AGAP1: variants seen among roughly 807,000 people sequenced by gnomAD.
AGAP1 encodes the protein ArfGAP with GTPase domain, ankyrin repeat and PH domain 1.
Under a neutral mutation model 105.3 loss-of-function variants are expected in AGAP1, and 29 were observed. The observed-to-expected ratio is 0.28, with a 90% confidence interval of 0.21 to 0.38. AGAP1 has a LOEUF of 0.38. Among genes scored for constraint, AGAP1 ranks in the 10% least tolerant of loss-of-function variants. The pLI is 1.00. For synonymous variants in AGAP1, 509 were observed against 485.9 expected (o/e 1.05, Z -0.63); for missense variants, 998 against 1,165.1 (o/e 0.86, Z 2.09).
chr2:235,922,190 C>T (rs935296095), intron 11 of AGAP1, among the ~76,000 whole-genome samples: 7 of 152,070 alleles, frequency 4.6e-5, no homozygotes, highest in South Asian at 2.1e-4. Context: ...GAGATTGGAC[C>T]GAAGAAAGCC....
At chr2:235,676,340 C>A (rs1323182321) in intron 1 of AGAP1, among the ~76,000 whole-genome samples, 3 of 152,248 alleles carry the variant, frequency 2.0e-5, no homozygotes, top group Non-Finnish European at 2.9e-5. Flanking sequence ...TATCATTCCT[C>A]TGTGTACTGC....
chr2:236,057,950 C>G (rs2058093347), intron 16 of AGAP1, among the ~76,000 whole-genome samples: 1 of 152,128 alleles, frequency 6.6e-6, no homozygotes. Flanking sequence ...CCATGCCCTC[C>G]CCGGGGGTTG....
chr2:235,637,450 A>T lies in AGAP1; in HGVS notation c.164-71729A>T, dbSNP rs1444033650. Among the ~76,000 whole-genome samples the T allele has an allele frequency of 1.2e-4, 17 of 143,940 alleles. No individual in the cohort carries two copies. In the East Asian group the frequency reaches 1.2e-3, roughly 10 times the overall value. The allele number at this position is 143,940 out of a possible 152,430, so 94.4% of individuals were successfully genotyped here. ...ACCATGCCTAGCTAATTGTATTATT[A>T]TTTTTTTTTTTTTGTAGAGACAGGG... On this transcript the variant is annotated intron_variant, in intron 1 of 17. Coordinates refer to ENST00000304032, the MANE Select transcript of AGAP1 (RefSeq NM_001037131.3).
Position 235,906,095 on chromosome 2 carries a change from C to G in AGAP1, c.1156-2643C>G, listed in dbSNP as rs2051292297. Among the ~76,000 whole-genome samples the G allele has an allele frequency of 6.6e-6, 1 of 152,298 alleles. No homozygotes were observed. The highest frequency in any genetic ancestry group is 2.4e-5 in the African/African-American group (1 of 41,570). The stretch of plus-strand genomic sequence containing the variant: ...CAGCTTTCCTCCAAGGGGGCTGTGG[C>G]TGACTCCAGCCAGCCTGCCCTGAGA... On this transcript the variant is annotated intron_variant, in intron 10 of 17. Coordinates refer to ENST00000304032, the MANE Select transcript of AGAP1 (RefSeq NM_001037131.3). The surrounding 1 kb of genome is among the most constrained non-coding windows in gnomAD (Gnocchi z 5.3).
chr2:235,831,480 T>TC (rs1959394577), intron 9 of AGAP1, among the ~76,000 whole-genome samples: 1 of 152,174 alleles, frequency 6.6e-6, no homozygotes, highest in Admixed American at 6.5e-5. Context: ...CCTCTTCATT[T>TC]CCCCCACCGC....
chr2:236,103,876 C>T (rs1292421518), intron 16 of AGAP1, among the ~76,000 whole-genome samples: 2 of 152,280 alleles, frequency 1.3e-5, no homozygotes, highest in South Asian at 4.2e-4. Flanking sequence ...TCTCCTGGGC[C>T]CCTTCTAGGC....
rs186408622 is a variant in AGAP1 at position 235,582,968 on chromosome 2, C to T, written c.163+88119C>T. 8.0e-4 allele frequency among the ~76,000 whole-genome samples: 122 copies of T among 152,300 alleles called. No homozygotes were observed. Among genetic ancestry groups the T allele is most frequent in the Non-Finnish European group, 3.4e-4 (23 of 68,028 alleles). Reference sequence around the variant, plus strand: ...CATTTTATGTTGTTGGGATTTGGCTCGGAACCTGCCAAGGACCCCTGTGTG... The same window carrying T: ...CATTTTATGTTGTTGGGATTTGGCTTGGAACCTGCCAAGGACCCCTGTGTG... On this transcript the variant is annotated intron_variant, in intron 1 of 17. Transcript: ENST00000304032. The surrounding 1 kb of genome is among the most constrained non-coding windows in gnomAD (Gnocchi z 4.7).
rs76576654 is a variant in AGAP1, at chr2:235,981,101, A to T, written c.1645+12478A>T. The stretch of plus-strand genomic sequence containing the variant: ...ACATTTTGTGCAAGGCTAAGGAATT[A>T]GACACCCCAGAGTATGTGATCACTG... On this transcript the variant is annotated intron_variant, in intron 13 of 17. Transcript: ENST00000304032. The surrounding 1 kb of genome is among the most constrained non-coding windows in gnomAD (Gnocchi z 5.5). Among the ~76,000 whole-genome samples, 6 of 152,074 alleles carry T rather than the reference A, an allele frequency of 3.9e-5. No homozygotes were observed. Among genetic ancestry groups the T allele is most frequent in the African/African-American group, 1.5e-4 (6 of 41,336 alleles).
In AGAP1 at chr2:235,824,760, G is replaced by A. The variant is rs1027283198; in HGVS notation, c.1050+17429G>A. Among the ~76,000 whole-genome samples, 8 of 152,054 alleles carry A rather than the reference G, an allele frequency of 5.3e-5. No individual in the cohort carries two copies. Among genetic ancestry groups the A allele is most frequent in the Admixed American group, 3.9e-4 (6 of 15,258 alleles). On this transcript the variant is annotated intron_variant, in intron 9 of 17. Transcript: ENST00000304032. This position sits in a 1 kb window ranked among gnomAD's most constrained non-coding sequence, Gnocchi z 5.2. The stretch of plus-strand genomic sequence containing the variant: ...TATGAGACGGCCTGCATTCTTTCGC[G>A]GTACCAAGAAATGCTCAACCTAAAA...
intron 1 of AGAP1, among the ~76,000 whole-genome samples, chr2:235,502,700 C>CT (rs5839594): frequency 0.23 from 24,998 of 110,942 alleles, 3,224 homozygotes; most frequent in African/African-American, 0.37. Context: ...TTTTATTTGC[C>CT]TTTTTTTTTT....
chr2:235,759,652 C>T (rs1265215025), intron 6 of AGAP1, among the ~76,000 whole-genome samples: 1 of 152,166 alleles, frequency 6.6e-6, no homozygotes, highest in African/African-American at 2.4e-5. Context: ...AGGAAGAAGC[C>T]TTGGTGGGTT....
intron 11 of AGAP1, among the ~76,000 whole-genome samples, chr2:235,920,465 CTTCCT>C (rs959468983): frequency 4.6e-5 from 7 of 152,118 alleles, no homozygotes; most frequent in Admixed American, 1.3e-4. Flanking sequence ...TTTTTCTCTC[CTTCCT>C]TTCTTTTGTA....
chr2:235,903,864 T>C (rs566914564), intron 10 of AGAP1, among the ~76,000 whole-genome samples: 1 of 152,162 alleles, frequency 6.6e-6, no homozygotes, highest in African/African-American at 2.4e-5. Flanking sequence ...TGTGAAATTC[T>C]AGGACAACGT....
In AGAP1 at chr2:235,793,108, G is replaced by A. The variant is rs982241166; in HGVS notation, c.674-4651G>A. On this transcript the variant is annotated intron_variant, in intron 6 of 17. Transcript: ENST00000304032. This position sits in a 1 kb window ranked among gnomAD's most constrained non-coding sequence, Gnocchi z 5.3. ...AGGAAAGGAGGGAATGACGAGGAACGCCACATGCTGCTCAGAGGTCCAGGA... is the reference window on the plus strand; with the variant it reads ...AGGAAAGGAGGGAATGACGAGGAACACCACATGCTGCTCAGAGGTCCAGGA... Among the ~76,000 whole-genome samples, 1 of 152,116 alleles carries A rather than the reference G, an allele frequency of 6.6e-6. No individual in the cohort carries two copies. Among genetic ancestry groups the A allele is most frequent in the Non-Finnish European group, 1.5e-5 (1 of 68,026 alleles).
chr2:235,917,472 C>CT (rs1229936791), intron 11 of AGAP1, among the ~76,000 whole-genome samples: 1 of 152,116 alleles, frequency 6.6e-6, no homozygotes, highest in Non-Finnish European at 1.5e-5. Flanking sequence ...CTCTCTCGTC[C>CT]TCTTTCTCCC....
chr2:235,627,204 T>G (rs1172427105), intron 1 of AGAP1, among the ~76,000 whole-genome samples: 1 of 146,894 alleles, frequency 6.8e-6, no homozygotes, highest in Non-Finnish European at 1.5e-5. Flanking sequence ...TTTTTTTTTT[T>G]TTTTTTTTTT....
chr2:235,514,406 G>T (rs1942292311), intron 1 of AGAP1, among the ~76,000 whole-genome samples: 1 of 152,184 alleles, frequency 6.6e-6, no homozygotes, highest in Non-Finnish European at 1.5e-5. Context: ...GAGTTGCCTC[G>T]CTGGGCTCCC....
chr2:235,984,078 C>T (rs570500592), intron 13 of AGAP1, among the ~76,000 whole-genome samples: 1 of 152,314 alleles, frequency 6.6e-6, no homozygotes, highest in Admixed American at 6.5e-5. Flanking sequence ...CTACTTCTCC[C>T]AGCCCCTGTG....
Position 235,659,727 on chromosome 2 carries a change from A to G in AGAP1, c.164-49452A>G, listed in dbSNP as rs562842209. ...AGTTCTCAGTTATTCCAAGTATTCT[A>G]TTTCTTAATGGATCTTCTAAGCCCT... On this transcript the variant is annotated intron_variant, in intron 1 of 17. Coordinates refer to ENST00000304032, the MANE Select transcript of AGAP1 (RefSeq NM_001037131.3). The surrounding 1 kb of genome is among the most constrained non-coding windows in gnomAD (Gnocchi z 5.0). Among the ~76,000 whole-genome samples, 49 of 152,274 alleles carry G rather than the reference A, an allele frequency of 3.2e-4. 1 individual carries two copies. The highest frequency in any genetic ancestry group is 9.4e-4 in the African/African-American group (39 of 41,550).
Sources: allele counts gnomAD v4.1 joint callset (sites outside exome capture counted in the v4.1 genomes callset), GRCh38; gene constraint gnomAD v4.1.1; non-coding constraint Gnocchi (gnomAD v3.1); transcripts MANE v1.5; gene names NCBI Gene and HGNC (gene_info 2026-07-23, HGNC 2026-07-21).